DNAAF5: variants seen among roughly 807,000 people sequenced by gnomAD.
DNAAF5 encodes the protein dynein axonemal assembly factor 5, also known as HEAT repeat containing 2.
Under a neutral mutation model 75.8 loss-of-function variants are expected in DNAAF5, and 64 were observed. The ratio of observed to expected loss-of-function variants is 0.84; its 90% confidence interval spans 0.69 to 1.04. DNAAF5 has a LOEUF of 1.04. DNAAF5 is among the 50% of genes least tolerant of loss of function. The pLI is 0.00. For missense variants in DNAAF5, 1,269 were observed against 1,178.5 expected, an observed-to-expected ratio of 1.08 and a Z score of -1.12; for synonymous variants, 657 against 557.2, an observed-to-expected ratio of 1.18 and a Z score of -2.52.
intron 8 of DNAAF5, among the ~76,000 whole-genome samples, chr7:765,603 A>G (rs1782795590): frequency 1.3e-5 from 2 of 152,170 alleles, no homozygotes; most frequent in Non-Finnish European, 2.9e-5. Flanking sequence ...CTTGGAACAC[A>G]CATCTCTTTG....
At position 775,765 on chromosome 7, in the gene DNAAF5, G is replaced by A. The variant is rs190354154; in HGVS notation, c.2239+603G>A. 1.7e-4 allele frequency among the ~76,000 whole-genome samples: 26 copies of A among 152,276 alleles called. 1 individual carries two copies. The highest frequency in any genetic ancestry group is 5.8e-4 in the East Asian group (3 of 5,182). ...AACATTGGACCCTCGTGAAGGAAGCGTCGTGTGGACGTTGCGTTCTGCCTT... is the reference window on the plus strand; with the variant it reads ...AACATTGGACCCTCGTGAAGGAAGCATCGTGTGGACGTTGCGTTCTGCCTT... On this transcript the variant is annotated intron_variant, in intron 11 of 12. Coordinates refer to ENST00000297440, the MANE Select transcript of DNAAF5 (RefSeq NM_017802.4).
At position 775,038 on chromosome 7, in the gene DNAAF5, G is replaced by C. The variant is rs1338353334; in HGVS notation, c.2115G>C (p.Gln705His). ...ACGTGCAGGAAACACTGATGCCCCA[G>C]GTCCTGACCACCCTGGAGGAGGATT... ...IRDVQETLMP[Q>H]VLTTLEEDSK... Residue 705 changes from glutamine (Q) to histidine (H), a missense_variant, in exon 11 of 13, where the codon CAG becomes CAC. By Grantham distance (24) the Gln-to-His change is conservative. Coordinates refer to ENST00000297440, the MANE Select transcript of DNAAF5 (RefSeq NM_017802.4). The C allele has an allele frequency of 6.2e-7, 1 of 1,613,972 alleles. No homozygotes were observed. The highest frequency in any genetic ancestry group is 2.2e-5 in the East Asian group (1 of 44,884).
intron 2 of DNAAF5, among the ~76,000 whole-genome samples, chr7:738,489 TC>T (rs1224466869): frequency 6.6e-6 from 1 of 152,112 alleles, no homozygotes; most frequent in African/African-American, 2.4e-5. Flanking sequence ...TGTTGGTCGA[TC>T]TTGCTAGGTA....
At chr7:762,980 A>G (rs1333830636) in intron 7 of DNAAF5, among the ~76,000 whole-genome samples, 6 of 152,090 alleles carry the variant, frequency 3.9e-5, no homozygotes, top group Non-Finnish European at 7.4e-5. Flanking sequence ...AGGCCCCAGT[A>G]TCTGTCTGCC....
chr7:743,983 C>A (rs1782004375), intron 4 of DNAAF5, among the ~76,000 whole-genome samples: 1 of 150,966 alleles, frequency 6.6e-6, no homozygotes, highest in Non-Finnish European at 1.5e-5. Context: ...TACATGTGCA[C>A]AATGTGCAGG....
chr7:741,583 G>A (rs1044498069), intron 4 of DNAAF5, 118 bp downstream of exon 4: 12 of 664,410 alleles, frequency 1.8e-5, no homozygotes, highest in East Asian at 2.7e-5. Context: ...CGGCCGCGTC[G>A]GAAAGGTGCA....
At chr7:741,057 G>A (rs1194882667) in intron 3 of DNAAF5, 114 bp downstream of exon 3, 1 of 1,243,138 alleles carries the variant, frequency 8.0e-7, no homozygotes, top group African/African-American at 1.5e-5. Context: ...CTTTGTCCCT[G>A]TGCTCCGAAG....
rs547279923 is a variant in DNAAF5, at chr7:757,219, G to A, written c.1470+225G>A. ...CTGATAGCCCTTGTTCCGGGGCCTC[G>A]TCCTGGGCTGTGCAGAGCTCCAGCC... On this transcript the variant is annotated intron_variant, in intron 6 of 12. Coordinates refer to ENST00000297440, the MANE Select transcript of DNAAF5 (RefSeq NM_017802.4). 5.6e-4 allele frequency among the ~76,000 whole-genome samples: 86 copies of A among 152,334 alleles called. 1 individual carries two copies. The Middle Eastern group carries it at 0.01, about 18-fold the overall frequency.
chr7:726,839 C>T lies in DNAAF5; in HGVS notation c.119C>T (p.Ala40Val), dbSNP rs1422816251. 18 of 1,326,980 alleles carry T rather than the reference C, an allele frequency of 1.4e-5. No individual in the cohort carries two copies. The East Asian group carries it at 4.1e-4, about 30-fold the overall frequency. The allele number at this position is 1,326,980 out of a possible 1,614,324, so 82.2% of individuals were successfully genotyped here. The change falls in exon 1 of 13, where the codon GCC (alanine) becomes GTC (valine). Residue 40 changes from alanine (A) to valine (V), a missense_variant. By Grantham distance (64) the Ala-to-Val change is moderately conservative (BLOSUM62 0). Transcript: ENST00000297440. The stretch of plus-strand genomic sequence containing the variant: ...AGCCGCCTGCTGCCGGGGCTGGAGG[C>T]CGACAGCAAGCCGGGCCGGCGGCGC... ...ALSRLLPGLE[A>V]DSKPGRRRAL...
In DNAAF5 at chr7:756,993, A is replaced by G; in HGVS notation, c.1469A>G (p.Asn490Ser). The change falls in exon 6 of 13, where the codon AAC (asparagine) becomes AGC (serine). Residue 490 changes from asparagine (N) to serine (S), a missense_variant and splice_region_variant. Asn to Ser is a conservative substitution (Grantham distance 46). Coordinates refer to ENST00000297440, the MANE Select transcript of DNAAF5 (RefSeq NM_017802.4). ...AQAHICQASE[N>S]DLYLERLLLC... The stretch of plus-strand genomic sequence containing the variant: ...GCCCACATCTGCCAGGCATCTGAAA[A>G]CGTAAGAGCACTTGGGAGATGCGGG... The G allele has an allele frequency of 1.2e-6, 2 of 1,601,216 alleles. No individual in the cohort carries two copies.
chr7:757,837 C>T (rs1451032155), intron 6 of DNAAF5, among the ~76,000 whole-genome samples: 2 of 152,232 alleles, frequency 1.3e-5, no homozygotes, highest in Non-Finnish European at 2.9e-5. Context: ...GGCACTTGCT[C>T]CGGCTCGATC....
intron 4 of DNAAF5, among the ~76,000 whole-genome samples, chr7:746,554 C>G (rs997526056): frequency 7.2e-6 from 1 of 139,830 alleles, no homozygotes; most frequent in South Asian, 2.5e-4. Flanking sequence ...TTCCCCCGCC[C>G]GCCGTGCCCA....
rs1779134035 is a variant in DNAAF5, at chr7:785,977, A to T, written c.*324A>T. 1 of 259,532 alleles carries T rather than the reference A, an allele frequency of 3.9e-6. No homozygotes were observed. Among genetic ancestry groups the T allele is most frequent in the African/African-American group, 2.2e-5 (1 of 44,836 alleles). 16.1% of individuals were successfully genotyped at this position (259,532 alleles called of 1,614,324 possible). On this transcript the variant is annotated 3_prime_UTR_variant, in exon 13 of 13. Transcript: ENST00000297440. ...CCTCACGTGCGCAGCTGGTTCATGA[A>T]CTATTGGCTGCATCCTGCTTAGGTG...
chr7:740,706 C>A, intron 2 of DNAAF5, 113 bp from the exon 3 acceptor site: 1 of 1,453,404 alleles, frequency 6.9e-7, no homozygotes, highest in Non-Finnish European at 9.4e-7. Flanking sequence ...AGGACCTGGC[C>A]GTGCCTCTGC....
chr7:764,412 C>T (rs1235251652), intron 8 of DNAAF5, among the ~76,000 whole-genome samples: 1 of 152,176 alleles, frequency 6.6e-6, no homozygotes, highest in Non-Finnish European at 1.5e-5. Flanking sequence ...CTGGGATGGA[C>T]AGTGTGGCCC....
At chr7:734,114 C>T (rs1414018677) in intron 2 of DNAAF5, among the ~76,000 whole-genome samples, 2 of 152,162 alleles carry the variant, frequency 1.3e-5, no homozygotes, top group Non-Finnish European at 2.9e-5. Context: ...TCTAATTGTT[C>T]TAGCTAGAGC....
intron 5 of DNAAF5, among the ~76,000 whole-genome samples, chr7:755,166 T>A (rs1375947087): frequency 2.0e-5 from 3 of 152,182 alleles, no homozygotes; most frequent in Admixed American, 2.0e-4. Context: ...CGTTCAGCAT[T>A]GACATCTGGA....
intron 2 of DNAAF5, among the ~76,000 whole-genome samples, chr7:733,236 T>C (rs1052410251): frequency 3.3e-5 from 5 of 152,224 alleles, no homozygotes; most frequent in Non-Finnish European, 7.3e-5. Context: ...TTTTTGTTTG[T>C]TTTTGTCTTG....
rs761389713 is a variant in DNAAF5 at position 774,179 on chromosome 7, A to T, written c.2063A>T (p.Glu688Val). The part of the protein sequence containing the change: ...VSCLWALTSS[E>V]VLSAEQIRDV... ...TGCCTCTGGGCGCTCACCAGCAGCG[A>T]GGTCCTGTCGGCAGAGCAGGTACGG... is the stretch of plus-strand genomic sequence containing the variant. The change falls in exon 10 of 13, where the codon GAG (glutamate) becomes GTG (valine). Residue 688 changes from glutamate (E) to valine (V), a missense_variant. By Grantham distance (121) the Glu-to-Val change is moderately radical (BLOSUM62 -2). Transcript: ENST00000297440. 1 of 1,609,874 alleles carries T rather than the reference A, an allele frequency of 6.2e-7. No homozygotes were observed. The highest frequency in any genetic ancestry group is 1.1e-5 in the South Asian group (1 of 91,004).
Sources: gnomAD v4.1 joint callset for allele counts (sites outside exome capture counted in the v4.1 genomes callset) on GRCh38, gnomAD v4.1.1 for gene constraint, MANE v1.5 for transcripts, NCBI Gene and HGNC (gene_info 2026-07-23, HGNC 2026-07-21) for gene names.